PXDNL: variants seen among roughly 807,000 people sequenced by gnomAD.
The protein encoded by PXDNL is probable oxidoreductase PXDNL.
In PXDNL, 145 loss-of-function variants were observed where a neutral mutation model predicts 150.8. The observed-to-expected ratio is 0.96, with a 90% CI of 0.84 to 1.10. The LOEUF (loss-of-function observed/expected upper bound fraction) is 1.10. Ranked by LOEUF, PXDNL falls within the 50% of genes least tolerant of loss-of-function variation. The pLI, the probability that PXDNL is intolerant of heterozygous loss-of-function variation, is 0.00. For synonymous variants in PXDNL, 757 were observed against 725.7 expected (o/e 1.04, Z -0.69); for missense variants, 2,087 against 1,873.9 (o/e 1.11, Z -2.10).
chr8:51,423,309 T>G (rs958143126), intron 14 of PXDNL, among the ~76,000 whole-genome samples: 1 of 152,242 alleles, frequency 6.6e-6, no homozygotes, highest in African/African-American at 2.4e-5. Flanking sequence ...TATTTTTGGT[T>G]TGTAAGAAAA....
At chr8:51,736,613 TC>T (rs1428440417) in intron 1 of PXDNL, among the ~76,000 whole-genome samples, 1 of 152,216 alleles carries the variant, frequency 6.6e-6, no homozygotes, top group African/African-American at 2.4e-5. Context: ...AAGGAAGCAT[TC>T]CCCAAGGCAA....
At chr8:51,695,840 T>C (rs1816109791) in intron 1 of PXDNL, among the ~76,000 whole-genome samples, 1 of 152,236 alleles carries the variant, frequency 6.6e-6, no homozygotes, top group Non-Finnish European at 1.5e-5. Context: ...ATTGGAAGGT[T>C]ATTTGATCTC....
rs185835988 is a variant in PXDNL at position 51,455,466 on chromosome 8, A to G, written c.983-1681T>C. ...GAAGGATCTCAGCAATAAAGACTATAAATTTTACATGAAGTATGAAAGCTG... is the reference window on the plus strand; with the variant it reads ...GAAGGATCTCAGCAATAAAGACTATGAATTTTACATGAAGTATGAAAGCTG... On this transcript the variant is annotated intron_variant, in intron 9 of 22. Coordinates refer to ENST00000356297, the MANE Select transcript of PXDNL (RefSeq NM_144651.5). Among the ~76,000 whole-genome samples, 5 of 152,284 alleles carry G rather than the reference A, an allele frequency of 3.3e-5. No individual in the cohort carries two copies. The East Asian group carries it at 9.7e-4, about 29-fold the overall frequency.
chr8:51,356,999 C>A (rs1380675797), intron 19 of PXDNL, among the ~76,000 whole-genome samples: 8 of 152,138 alleles, frequency 5.3e-5, no homozygotes, highest in African/African-American at 1.9e-4. Flanking sequence ...TCCCCCAAAC[C>A]ACCCTACTGT....
rs114078571 is a variant in PXDNL at position 51,363,895 on chromosome 8, C to T, written c.3901+7978G>A. On this transcript the variant is annotated intron_variant, in intron 19 of 22. Coordinates refer to ENST00000356297, the MANE Select transcript of PXDNL (RefSeq NM_144651.5). ...TGGAGAAATAGCCAGAGATAGGATA[C>T]TTATTTCACTGGACAAGTTATAAAA... 8.1e-3 allele frequency among the ~76,000 whole-genome samples: 1,234 copies of T among 152,234 alleles called. 13 individuals are homozygous for T. The highest frequency in any genetic ancestry group is 0.028 in the African/African-American group (1,176 of 41,526).
intron 4 of PXDNL, among the ~76,000 whole-genome samples, chr8:51,505,275 G>A (rs1811261017): frequency 1.3e-5 from 2 of 152,278 alleles, no homozygotes; most frequent in South Asian, 4.1e-4. Context: ...AGAACATGTG[G>A]TCAGAGAATG....
chr8:51,507,552 A>T (rs1234479099), intron 4 of PXDNL, among the ~76,000 whole-genome samples: 1 of 152,208 alleles, frequency 6.6e-6, no homozygotes, highest in Non-Finnish European at 1.5e-5. Flanking sequence ...ACATGACAAG[A>T]TTCAAAGAAA....
At chr8:51,526,061 G>A (rs1178951288) in intron 4 of PXDNL, among the ~76,000 whole-genome samples, 1 of 152,138 alleles carries the variant, frequency 6.6e-6, no homozygotes, top group Non-Finnish European at 1.5e-5. Flanking sequence ...CCCCCTCACC[G>A]AAATGAAAAT....
At chr8:51,677,274 A>G (rs1374900184) in intron 1 of PXDNL, among the ~76,000 whole-genome samples, 2 of 152,196 alleles carry the variant, frequency 1.3e-5, no homozygotes, top group East Asian at 1.9e-4. Context: ...TTTTGACACA[A>G]ACAGATAATC....
chr8:51,699,264 T>C (rs894388254), intron 1 of PXDNL, among the ~76,000 whole-genome samples: 6 of 152,228 alleles, frequency 3.9e-5, no homozygotes, highest in Admixed American at 2.0e-4. Context: ...TCAATTATCT[T>C]AGCTGGATCT....
At chr8:51,717,987 G>C (rs1400987489) in intron 1 of PXDNL, among the ~76,000 whole-genome samples, 1 of 152,130 alleles carries the variant, frequency 6.6e-6, no homozygotes, top group African/African-American at 2.4e-5. Context: ...GTTGTCCTTT[G>C]AGCAAATGAG....
chr8:51,744,925 AG>A, intron 1 of PXDNL, among the ~76,000 whole-genome samples: 1 of 118,190 alleles, frequency 8.5e-6, no homozygotes, highest in African/African-American at 3.3e-5. Context: ...AAGGAAAGAA[AG>A]AAAAAGAAAG....
chr8:51,539,433 C>A (rs1403243810), intron 4 of PXDNL, among the ~76,000 whole-genome samples: 1 of 151,808 alleles, frequency 6.6e-6, no homozygotes, highest in Non-Finnish European at 1.5e-5. Flanking sequence ...GAAGGTTTTT[C>A]TTATGTCTGT....
chr8:51,389,132 C>T (rs1453135488), intron 17 of PXDNL, among the ~76,000 whole-genome samples: 1 of 152,120 alleles, frequency 6.6e-6, no homozygotes. Flanking sequence ...AAGGAGAGAA[C>T]TTCTTGGGAG....
intron 21 of PXDNL, among the ~76,000 whole-genome samples, chr8:51,339,167 A>G (rs1454553720): frequency 6.6e-6 from 1 of 152,152 alleles, no homozygotes; most frequent in Non-Finnish European, 1.5e-5. Flanking sequence ...TTCTTATTAC[A>G]ATACTACTCC....
chr8:51,483,553 A>T (rs1810651593), intron 6 of PXDNL, 90 bp downstream of exon 6: 1 of 793,126 alleles, frequency 1.3e-6, no homozygotes, highest in Non-Finnish European at 2.1e-6. Flanking sequence ...TTCACAGGAA[A>T]AGCAGGAGAA....
chr8:51,355,995 G>A lies in PXDNL; in HGVS notation c.3902-10048C>T, dbSNP rs10216601. 3.7e-3 allele frequency among the ~76,000 whole-genome samples: 557 copies of A among 152,324 alleles called. 6 individuals carry two copies. The highest frequency in any genetic ancestry group is 0.013 in the African/African-American group (537 of 41,568). The stretch of plus-strand genomic sequence containing the variant: ...GTATAACGAAAGGAAAACTAACGAC[G>A]AGGTCACATGGTGGGGTGAGGAAAA... On this transcript the variant is annotated intron_variant, in intron 19 of 22. Transcript: ENST00000356297.
At chr8:51,790,067 G>T (rs1442556807) in intron 1 of PXDNL, among the ~76,000 whole-genome samples, 1 of 151,898 alleles carries the variant, frequency 6.6e-6, no homozygotes, top group African/African-American at 2.4e-5. Flanking sequence ...AAATCTATGA[G>T]GTTATTCAAG....
At position 51,476,832 on chromosome 8, in the gene PXDNL, T is replaced by C. The variant is rs984550088; in HGVS notation, c.525-1691A>G. Among the ~76,000 whole-genome samples the C allele has an allele frequency of 2.6e-5, 4 of 152,298 alleles. No homozygotes were observed. The East Asian group carries it at 7.7e-4, about 29-fold the overall frequency. On this transcript the variant is annotated intron_variant, in intron 6 of 22. Coordinates refer to ENST00000356297, the MANE Select transcript of PXDNL (RefSeq NM_144651.5). ...TAGGTGTTAGATTGCTTATACCTGA[T>C]TGTAAGAAGTAGTGTCCAATGTGAC... is the stretch of plus-strand genomic sequence containing the variant.
Sources: allele counts gnomAD v4.1 joint callset (sites outside exome capture counted in the v4.1 genomes callset), GRCh38; gene constraint gnomAD v4.1.1; transcripts MANE v1.5; gene names NCBI Gene and HGNC (gene_info 2026-07-23, HGNC 2026-07-21).